ANKRD33B: variants seen among roughly 807,000 people sequenced by gnomAD.
The protein encoded by ANKRD33B is ankyrin repeat domain-containing protein 33B.
Under a neutral mutation model 21.5 loss-of-function variants are expected in ANKRD33B, and 6 were observed. The ratio of observed to expected loss-of-function variants is 0.28; its 90% CI spans 0.15 to 0.55. The LOEUF is 0.55. ANKRD33B is among the 20% of genes least tolerant of loss of function. The pLI, the probability that ANKRD33B is intolerant of heterozygous loss-of-function variation, is 0.94. For synonymous variants in ANKRD33B, 347 were observed against 342.4 expected (o/e 1.01, Z -0.15); for missense variants, 698 against 747.2 (o/e 0.93, Z 0.77).
chr5:10,610,161 CTG>C (rs1384924919), intron 1 of ANKRD33B, among the ~76,000 whole-genome samples: 3 of 152,212 alleles, frequency 2.0e-5, no homozygotes, highest in African/African-American at 7.2e-5. Context: ...TGAAGAAAAA[CTG>C]TAACTTTCAC....
At chr5:10,590,415 G>A (rs1343193458) in intron 1 of ANKRD33B, among the ~76,000 whole-genome samples, 3 of 152,154 alleles carry the variant, frequency 2.0e-5, no homozygotes, top group Non-Finnish European at 2.9e-5. Flanking sequence ...CTGTCTTGTA[G>A]GATATAGCCC....
chr5:10,589,634 C>T (rs1321416634), intron 1 of ANKRD33B, among the ~76,000 whole-genome samples: 1 of 152,142 alleles, frequency 6.6e-6, no homozygotes, highest in African/African-American at 2.4e-5. Flanking sequence ...TTACCAATTC[C>T]TTTGTCAATT....
chr5:10,609,884 G>A (rs1454993037), intron 1 of ANKRD33B, among the ~76,000 whole-genome samples: 2 of 152,130 alleles, frequency 1.3e-5, no homozygotes, highest in Non-Finnish European at 2.9e-5. Context: ...ACTATAGCCT[G>A]GGTGACAGAG....
intron 1 of ANKRD33B, among the ~76,000 whole-genome samples, chr5:10,614,877 A>G (rs1238234744): frequency 1.3e-5 from 2 of 150,148 alleles, no homozygotes; most frequent in African/African-American, 5.0e-5. Context: ...ACAGAGCAAA[A>G]CTCCATCTCA....
chr5:10,638,175 C>A lies in ANKRD33B; in HGVS notation c.637+7C>A. 1 of 1,537,260 alleles carries A rather than the reference C, an allele frequency of 6.5e-7. No homozygotes were observed. Among genetic ancestry groups the A allele is most frequent in the Non-Finnish European group, 8.7e-7 (1 of 1,146,832 alleles). On this transcript the variant is annotated splice_region_variant and intron_variant, in intron 3 of 3. Transcript: ENST00000296657. The stretch of plus-strand genomic sequence containing the variant: ...CGAGCCCTGATGCTAGCAGGTATGT[C>A]CACCTGTCCTGTGCAGCTTCCAGGG...
intron 3 of ANKRD33B, among the ~76,000 whole-genome samples, chr5:10,641,228 T>C (rs112233884): frequency 5.6e-3 from 317 of 56,740 alleles, no homozygotes; most frequent in South Asian, 0.046. Context: ...TCTTCTTCTT[T>C]TTTTTTTTTT....
chr5:10,595,839 C>A (rs574321283), intron 1 of ANKRD33B, among the ~76,000 whole-genome samples: 1 of 152,148 alleles, frequency 6.6e-6, no homozygotes, highest in Non-Finnish European at 1.5e-5. Context: ...AATCTCTGTC[C>A]ATCATCCATT....
chr5:10,606,273 C>T (rs1332252476), intron 1 of ANKRD33B, among the ~76,000 whole-genome samples: 1 of 152,160 alleles, frequency 6.6e-6, no homozygotes. Context: ...TTACTGACAA[C>T]CTTGAATTTA....
chr5:10,630,201 G>A (rs1736673457), intron 2 of ANKRD33B, among the ~76,000 whole-genome samples: 1 of 152,194 alleles, frequency 6.6e-6, no homozygotes, highest in Non-Finnish European at 1.5e-5. Context: ...TGGATGGGCT[G>A]GGGATCTGTT....
intron 1 of ANKRD33B, among the ~76,000 whole-genome samples, chr5:10,596,832 G>A (rs1020827002): frequency 5.3e-5 from 8 of 152,156 alleles, no homozygotes; most frequent in Admixed American, 3.9e-4. Context: ...AATCCCGTCA[G>A]ACTAACAGTG....
intron 2 of ANKRD33B, among the ~76,000 whole-genome samples, chr5:10,626,006 G>C (rs11740884): frequency 0.22 from 33,235 of 152,108 alleles, 4,242 homozygotes; most frequent in East Asian, 0.48. Context: ...AGTGACCCAG[G>C]CCAAGAAGCT....
chr5:10,571,124 C>T (rs1248084554), intron 1 of ANKRD33B, among the ~76,000 whole-genome samples: 2 of 152,112 alleles, frequency 1.3e-5, no homozygotes, highest in East Asian at 3.8e-4. Flanking sequence ...TGACTTTGCC[C>T]CTGATCTACA....
At chr5:10,606,378 C>CTT (rs200582411) in intron 1 of ANKRD33B, among the ~76,000 whole-genome samples, 1,856 of 152,202 alleles carry the variant, frequency 0.012, 38 homozygotes, top group African/African-American at 0.043. Context: ...AATAAAATGT[C>CTT]ATTTCTTTAT....
chr5:10,607,925 G>A (rs1374803305), intron 1 of ANKRD33B, among the ~76,000 whole-genome samples: 9 of 152,206 alleles, frequency 5.9e-5, no homozygotes, highest in Non-Finnish European at 1.3e-4. Flanking sequence ...ATTCCTGGCA[G>A]CCTGAGCATG....
intron 1 of ANKRD33B, among the ~76,000 whole-genome samples, chr5:10,607,452 A>G (rs970273939): frequency 3.3e-5 from 5 of 152,188 alleles, no homozygotes; most frequent in African/African-American, 1.2e-4. Context: ...CTTACGTTTA[A>G]TTACCCAAAG....
At chr5:10,579,824 G>A (rs1363865497) in intron 1 of ANKRD33B, among the ~76,000 whole-genome samples, 8 of 152,164 alleles carry the variant, frequency 5.3e-5, no homozygotes, top group African/African-American at 1.7e-4. Flanking sequence ...AATAACAGCT[G>A]TATTGATACA....
In ANKRD33B at chr5:10,652,759, G is replaced by A; in HGVS notation, c.*2646G>A. 4.0e-6 allele frequency: 1 copy of A among 251,234 alleles called. No homozygotes were observed. 15.6% of individuals were successfully genotyped at this position (251,234 alleles called of 1,614,324 possible). ...CGTGTTGCGGCCCTGCCCCCGATGT[G>A]TTCCAGCCTCATCCAGGTGCACAGG... On this transcript the variant is annotated 3_prime_UTR_variant, in exon 4 of 4. Coordinates refer to ENST00000296657, the MANE Select transcript of ANKRD33B (RefSeq NM_001164440.2). This position sits in a 1 kb window ranked among gnomAD's most constrained non-coding sequence, Gnocchi z 4.1.
chr5:10,607,809 CT>C (rs1290172413), intron 1 of ANKRD33B, among the ~76,000 whole-genome samples: 1 of 152,308 alleles, frequency 6.6e-6, no homozygotes, highest in East Asian at 1.9e-4. Context: ...GCTTGTTTTC[CT>C]GCTGGACTGT....
intron 1 of ANKRD33B, among the ~76,000 whole-genome samples, chr5:10,566,941 G>T (rs1318979062): frequency 1.3e-5 from 2 of 152,220 alleles, no homozygotes; most frequent in Non-Finnish European, 2.9e-5. Flanking sequence ...CTCTTGGCTT[G>T]GAAGAGAGCA....
Sources: allele counts gnomAD v4.1 joint callset (sites outside exome capture counted in the v4.1 genomes callset), GRCh38; gene constraint gnomAD v4.1.1; non-coding constraint Gnocchi (gnomAD v3.1); transcripts MANE v1.5; gene names NCBI Gene and HGNC (gene_info 2026-07-23, HGNC 2026-07-21).